Variants in TENM2 observed in about 807,000 individuals in gnomAD.
The protein encoded by TENM2 is teneurin transmembrane protein 2, also known as teneurin-2.
TENM2 carries 52 observed loss-of-function variants against 245.2 expected under a neutral mutation model. The observed-to-expected ratio is 0.21, with a 90% CI of 0.17 to 0.27. TENM2 has a LOEUF of 0.27. Ranked by LOEUF, TENM2 falls within the 10% of genes least tolerant of loss-of-function variation. The probability of loss-of-function intolerance (pLI) is 1.00; values close to 1 mark genes in which losing one functional copy is unlikely to be tolerated. For synonymous variants in TENM2, 1,363 were observed against 1,438.9 expected (o/e 0.95, Z 1.19); for missense variants, 3,046 against 3,666.8 (o/e 0.83, Z 4.37).
chr5:168,171,129 G>A (rs1758782496), intron 13 of TENM2, among the ~76,000 whole-genome samples: 1 of 152,224 alleles, frequency 6.6e-6, no homozygotes, highest in African/African-American at 2.4e-5. Flanking sequence ...CAGCTCAAAT[G>A]CCTCAGAAGG....
the TENM2 span, among the ~76,000 whole-genome samples, chr5:167,023,392 C>T: frequency 6.6e-6 from 1 of 152,104 alleles, no homozygotes; most frequent in Non-Finnish European, 1.5e-5. Context: ...GAAAGTCATA[C>T]CTGGATGAAT....
chr5:167,801,110 ATATATATATATATATATATATATATAT>A (rs1409920445), intron 2 of TENM2, among the ~76,000 whole-genome samples: 1 of 62,568 alleles, frequency 1.6e-5, no homozygotes, highest in East Asian at 6.0e-4. Context: ...AAAAAAAAAA[ATATATATATATATATATATATATATAT>A]ATATATATAT....
intron 2 of TENM2, among the ~76,000 whole-genome samples, chr5:167,741,420 G>T (rs551267743): frequency 1.2e-4 from 19 of 152,318 alleles, no homozygotes; most frequent in Middle Eastern, 3.4e-3. Context: ...AAATGGCCTT[G>T]TTGGTTCAGG....
the TENM2 span, among the ~76,000 whole-genome samples, chr5:167,113,179 C>T: frequency 7.9e-5 from 12 of 152,010 alleles, no homozygotes; most frequent in East Asian, 1.5e-3. Context: ...TAACTGAGGA[C>T]GGATAATTAC....
chr5:167,310,148 C>T (rs1755936471), intron 1 of TENM2, among the ~76,000 whole-genome samples: 1 of 152,198 alleles, frequency 6.6e-6, no homozygotes. Flanking sequence ...GATGTGAGCA[C>T]TGAGCAGTTT....
chr5:167,317,314 C>G, intron 1 of TENM2, among the ~76,000 whole-genome samples: 1 of 152,168 alleles, frequency 6.6e-6, no homozygotes, highest in East Asian at 1.9e-4. Flanking sequence ...ACCTTCCTTT[C>G]TCAATTCTAA....
At chr5:167,917,056 A>G (rs866420143) in intron 3 of TENM2, among the ~76,000 whole-genome samples, 2 of 152,190 alleles carry the variant, frequency 1.3e-5, no homozygotes, top group Non-Finnish European at 2.9e-5. Context: ...CCTTTCAGGG[A>G]AAGGCCTTTG....
intron 1 of TENM2, among the ~76,000 whole-genome samples, chr5:167,363,483 G>A (rs1209487353): frequency 6.6e-6 from 1 of 152,114 alleles, no homozygotes; most frequent in Non-Finnish European, 1.5e-5. Context: ...TGTAATTCCA[G>A]CACTTTGGGA....
In TENM2 at chr5:167,630,114, CG is replaced by C. The variant is rs569307364; in HGVS notation, c.503-245871del. Among the ~76,000 whole-genome samples, 21 of 151,152 alleles carry C rather than the reference CG, an allele frequency of 1.4e-4. No homozygotes were observed. The South Asian group carries it at 3.8e-3, about 27-fold the overall frequency. Reference sequence around the variant, plus strand: ...TATGGATAGAATTATTCTTACCTTACGTCTTAGCAGCCTCAGCATCCTTTTT... The same window carrying C: ...TATGGATAGAATTATTCTTACCTTACTCTTAGCAGCCTCAGCATCCTTTTT... On this transcript the variant is annotated intron_variant, in intron 2 of 28. Transcript: ENST00000518659.
the TENM2 span, among the ~76,000 whole-genome samples, chr5:167,198,059 G>C: frequency 6.6e-6 from 1 of 151,782 alleles, no homozygotes; most frequent in Non-Finnish European, 1.5e-5. Context: ...TAAATTGTGG[G>C]GATAATCTTC....
At chr5:168,197,909 C>G (rs983752755) in intron 15 of TENM2, among the ~76,000 whole-genome samples, 2 of 152,158 alleles carry the variant, frequency 1.3e-5, no homozygotes, top group African/African-American at 2.4e-5. Context: ...AGCCACAGAG[C>G]AGAGGCTGAT....
rs546073267 is a variant in TENM2, at chr5:167,610,215, G to GA, written c.502+234743dup. On this transcript the variant is annotated intron_variant, in intron 2 of 28. Coordinates refer to ENST00000518659, the Ensembl canonical transcript of TENM2. ...CAAGGTATAGGAGGAAAGGGGTGTG[G>GA]AGCTTTCATGCCTTCCCCAGAAGCA... Among the ~76,000 whole-genome samples, 6 of 152,208 alleles carry GA rather than the reference G, an allele frequency of 3.9e-5. No individual in the cohort carries two copies. The East Asian group carries it at 1.2e-3, about 29-fold the overall frequency.
At chr5:168,003,381 C>T (rs944974768) in intron 5 of TENM2, among the ~76,000 whole-genome samples, 2 of 148,498 alleles carry the variant, frequency 1.3e-5, no homozygotes, top group Non-Finnish European at 3.0e-5. Flanking sequence ...GAGTCAAGAG[C>T]CAAGGAAAGA....
At position 167,812,939 on chromosome 5, in the gene TENM2, C is replaced by G. The variant is rs150954890; in HGVS notation, c.503-63047C>G. Among the ~76,000 whole-genome samples the G allele has an allele frequency of 2.4e-3, 372 of 152,286 alleles. 1 individual carries two copies. Among genetic ancestry groups the G allele is most frequent in the African/African-American group, 8.5e-3 (354 of 41,572 alleles). ...GTATTCATTCCACTGAGACTTAGCACTGCAAAAAAGGCAGGCTACAGGGCA... is the reference window on the plus strand; with the variant it reads ...GTATTCATTCCACTGAGACTTAGCAGTGCAAAAAAGGCAGGCTACAGGGCA... On this transcript the variant is annotated intron_variant, in intron 2 of 28. Coordinates refer to ENST00000518659, the Ensembl canonical transcript of TENM2.
chr5:167,070,560 G>T, the TENM2 span, among the ~76,000 whole-genome samples: 1 of 151,970 alleles, frequency 6.6e-6, no homozygotes, highest in African/African-American at 2.4e-5. Context: ...TTTTTATTAT[G>T]TGCCATTGTG....
At chr5:167,864,880 G>A (rs779744899) in intron 2 of TENM2, among the ~76,000 whole-genome samples, 1 of 152,152 alleles carries the variant, frequency 6.6e-6, no homozygotes, top group Non-Finnish European at 1.5e-5. Context: ...TGAGCAATTG[G>A]CAATATTATT....
the TENM2 span, among the ~76,000 whole-genome samples, chr5:167,037,898 T>C: frequency 1.3e-5 from 2 of 152,088 alleles, no homozygotes; most frequent in South Asian, 4.1e-4. Context: ...CCAAAGAATA[T>C]AAGATGAGAC....
chr5:167,059,488 A>C, the TENM2 span, among the ~76,000 whole-genome samples: 1 of 152,154 alleles, frequency 6.6e-6, no homozygotes, highest in Non-Finnish European at 1.5e-5. Context: ...GTGCCAAATG[A>C]AAGATCATAC....
chr5:168,102,731 G>C (rs1303959486), intron 9 of TENM2, among the ~76,000 whole-genome samples: 1 of 152,162 alleles, frequency 6.6e-6, no homozygotes, highest in Non-Finnish European at 1.5e-5. Context: ...CCAATGATTA[G>C]CACTGAATTT....
Sources: gnomAD v4.1 joint callset for allele counts (sites outside exome capture counted in the v4.1 genomes callset) on GRCh38, gnomAD v4.1.1 for gene constraint, MANE v1.5 for transcripts, NCBI Gene and HGNC (gene_info 2026-07-23, HGNC 2026-07-21) for gene names.